ATP2B4: variants seen among roughly 807,000 people sequenced by gnomAD.
ATP2B4 encodes the protein plasma membrane calcium-transporting ATPase 4.
A neutral mutation model predicts 110.3 loss-of-function variants in ATP2B4; 39 were observed. The ratio of observed to expected loss-of-function variants is 0.35; its 90% confidence interval spans 0.27 to 0.46. ATP2B4 has a LOEUF of 0.46. Among genes scored for constraint, ATP2B4 ranks in the 20% least tolerant of loss-of-function variants. The pLI, the probability that ATP2B4 is intolerant of heterozygous loss-of-function variation, is 1.00. For missense variants in ATP2B4, 1,135 were observed against 1,530.9 expected, an observed-to-expected ratio of 0.74 and a Z score of 4.32; for synonymous variants, 538 against 571.7, an observed-to-expected ratio of 0.94 and a Z score of 0.84.
chr1:203,690,145 G>A (rs1398797448), intron 2 of ATP2B4, among the ~76,000 whole-genome samples: 2 of 152,198 alleles, frequency 1.3e-5, no homozygotes, highest in African/African-American at 4.8e-5. Flanking sequence ...GGATTTAGAT[G>A]AACGTCTATC....
chr1:203,730,450 C>A (rs796943620), intron 20 of ATP2B4, among the ~76,000 whole-genome samples: 1 of 152,150 alleles, frequency 6.6e-6, no homozygotes, highest in Non-Finnish European at 1.5e-5. Flanking sequence ...TAGAACCTGG[C>A]GCCTTTGGCT....
chr1:203,724,070 T>G, intron 19 of ATP2B4, 82 bp downstream of exon 19: 86 of 1,183,782 alleles, frequency 7.3e-5, no homozygotes, highest in Non-Finnish European at 8.8e-5. Flanking sequence ...CAAGCAACGG[T>G]GGAGACCCCC....
intron 1 of ATP2B4, among the ~76,000 whole-genome samples, chr1:203,639,082 G>C (rs576728118): frequency 6.6e-6 from 1 of 152,234 alleles, no homozygotes; most frequent in Non-Finnish European, 1.5e-5. Flanking sequence ...TTTCCTCAGG[G>C]TGTGCCTCCT....
chr1:203,710,621 C>T (rs1034042895), intron 11 of ATP2B4, among the ~76,000 whole-genome samples: 3 of 152,216 alleles, frequency 2.0e-5, no homozygotes, highest in Non-Finnish European at 4.4e-5. Context: ...AAATGACTTG[C>T]ATTGCATTCA....
intron 20 of ATP2B4, among the ~76,000 whole-genome samples, chr1:203,734,995 T>TC (rs1233098157): frequency 2.5e-5 from 2 of 79,590 alleles, no homozygotes; most frequent in Non-Finnish European, 4.4e-5. Flanking sequence ...AGAGACAGAC[T>TC]CCATCTCAAA....
intron 1 of ATP2B4, among the ~76,000 whole-genome samples, chr1:203,676,370 G>A (rs999373966): frequency 1.3e-5 from 2 of 152,098 alleles, no homozygotes; most frequent in African/African-American, 2.4e-5. Flanking sequence ...GAAGTGGCCA[G>A]GGTGAACTAG....
intron 8 of ATP2B4, 116 bp downstream of exon 8, chr1:203,703,929 T>C (rs1665769699): frequency 3.0e-6 from 4 of 1,352,030 alleles, no homozygotes; most frequent in Non-Finnish European, 4.0e-6. Flanking sequence ...AACTTCAGGG[T>C]GGCTAGTTGG....
intron 1 of ATP2B4, among the ~76,000 whole-genome samples, chr1:203,666,596 C>T (rs1664511588): frequency 1.3e-5 from 2 of 152,164 alleles, no homozygotes; most frequent in African/African-American, 4.8e-5. Flanking sequence ...GACTCCTCTT[C>T]CTATTAACCT....
At chr1:203,690,737 A>G (rs1225296633) in intron 2 of ATP2B4, among the ~76,000 whole-genome samples, 1 of 152,186 alleles carries the variant, frequency 6.6e-6, no homozygotes, top group Non-Finnish European at 1.5e-5. Flanking sequence ...AGGATGGCAA[A>G]TAAGTGACCC....
At chr1:203,704,289 T>C (rs1442979779) in intron 8 of ATP2B4, among the ~76,000 whole-genome samples, 1 of 151,986 alleles carries the variant, frequency 6.6e-6, no homozygotes, top group African/African-American at 2.4e-5. Context: ...TTACAGAGGC[T>C]CTCTCCAGAA....
chr1:203,729,208 T>C (rs188024064), intron 20 of ATP2B4, among the ~76,000 whole-genome samples: 1 of 151,938 alleles, frequency 6.6e-6, no homozygotes, highest in East Asian at 1.9e-4. Context: ...CTAAACTATA[T>C]ACCTGGTAGG....
rs1665592826 is a variant in ATP2B4, at chr1:203,698,286, T to A, written c.323T>A (p.Ile108Asn). Residue 108 changes from isoleucine to asparagine, a missense_variant, in exon 3 of 21, where the codon ATC (isoleucine) becomes AAC (asparagine). Transcript: ENST00000357681. ...GCTCTTCAAGATGTCACGCTTATCA[T>A]CCTGGAGATTGCAGCCATCATCTCC... ...WEALQDVTLI[I>N]LEIAAIISLV... The A allele has an allele frequency of 1.9e-6, 3 of 1,614,018 alleles. No individual in the cohort carries two copies. The Admixed American group carries it at 5.0e-5, about 27-fold the overall frequency.
chr1:203,700,087 T>A, intron 4 of ATP2B4, 119 bp from the exon 5 acceptor site: 1 of 1,228,292 alleles, frequency 8.1e-7, no homozygotes, highest in Non-Finnish European at 1.1e-6. Context: ...CGGCCATTGC[T>A]GTCTAGATAG....
At chr1:203,735,685 C>T (rs930467390) in intron 20 of ATP2B4, among the ~76,000 whole-genome samples, 4 of 152,170 alleles carry the variant, frequency 2.6e-5, no homozygotes, top group Non-Finnish European at 5.9e-5. Context: ...AAAAAACAGG[C>T]AAGAAAGAAC....
chr1:203,683,525 G>T (rs1195707542), intron 2 of ATP2B4, 127 bp downstream of exon 2: 24 of 944,832 alleles, frequency 2.5e-5, no homozygotes, highest in Non-Finnish European at 3.6e-5. Flanking sequence ...TGGTGGGAAA[G>T]GTATGGCATC....
rs778411137 is a variant in ATP2B4 at position 203,707,230 on chromosome 1, CT to C, written c.1314+8del. 47 of 1,608,796 alleles carry C rather than the reference CT, an allele frequency of 2.9e-5. No individual in the cohort carries two copies. Among genetic ancestry groups the C allele is most frequent in the Non-Finnish European group, 5.1e-6 (6 of 1,176,198 alleles). ...ACTGGCCTACTCTGTGAAGGTGAGA[CT>C]AGAACAATCCTATCTCTTCCTTTAG... On this transcript the variant is annotated splice_region_variant and intron_variant, in intron 9 of 20. Transcript: ENST00000357681.
rs75098678 is a variant in ATP2B4 at position 203,690,280 on chromosome 1, G to A, written c.193+6882G>A. On this transcript the variant is annotated intron_variant, in intron 2 of 20. Transcript: ENST00000357681. Reference sequence around the variant, plus strand: ...ATGTACTGGGATTGGGCTCTTCCTCGGTGTAGCAGATTGAAATTTCTAGTA... The same window carrying A: ...ATGTACTGGGATTGGGCTCTTCCTCAGTGTAGCAGATTGAAATTTCTAGTA... Among the ~76,000 whole-genome samples, 289 of 152,142 alleles carry A rather than the reference G, an allele frequency of 1.9e-3. 6 individuals carry two copies. In the East Asian group the frequency reaches 0.031, roughly 16 times the overall value.
intron 1 of ATP2B4, among the ~76,000 whole-genome samples, chr1:203,635,809 A>G (rs1458907711): frequency 6.6e-6 from 1 of 152,234 alleles, no homozygotes; most frequent in Non-Finnish European, 1.5e-5. Context: ...TTTATCTGCA[A>G]AACTCCTGAC....
intron 3 of ATP2B4, 144 bp downstream of exon 3, chr1:203,698,498 C>T (rs1336062386): frequency 2.4e-6 from 2 of 819,192 alleles, no homozygotes; most frequent in African/African-American, 3.4e-5. Flanking sequence ...GGAAACCAAG[C>T]AGTAGCTACT....
Sources: allele counts gnomAD v4.1 joint callset (sites outside exome capture counted in the v4.1 genomes callset), GRCh38; gene constraint gnomAD v4.1.1; transcripts MANE v1.5; gene names NCBI Gene and HGNC (gene_info 2026-07-23, HGNC 2026-07-21).